Variants in PRELID2 observed in about 807,000 individuals in gnomAD.
PRELID2 encodes PRELI domain containing 2.
In PRELID2, 25 loss-of-function variants were observed where a neutral mutation model predicts 28.4. That is an observed-to-expected ratio of 0.88 (90% confidence interval 0.64 to 1.23). The LOEUF is 1.23. Ranked by LOEUF, PRELID2 falls within the 50% of genes most tolerant of loss-of-function variation. The pLI is 0.00. For synonymous variants in PRELID2, 76 were observed against 71.6 expected, an observed-to-expected ratio of 1.06 and a Z score of -0.31; for missense variants, 201 against 214.4, an observed-to-expected ratio of 0.94 and a Z score of 0.39.
At chr5:145,278,780 T>C in the PRELID2 span, among the ~76,000 whole-genome samples, 1 of 152,106 alleles carries the variant, frequency 6.6e-6, no homozygotes, top group Non-Finnish European at 1.5e-5. Context: ...ACCGTTGGGG[T>C]ATATTCTGGT....
chr5:145,343,232 G>T, the PRELID2 span, among the ~76,000 whole-genome samples: 1 of 151,758 alleles, frequency 6.6e-6, no homozygotes, highest in African/African-American at 2.4e-5. Flanking sequence ...TCTTTTTATT[G>T]GCACATCGAA....
the PRELID2 span, among the ~76,000 whole-genome samples, chr5:145,269,273 T>C: frequency 6.6e-6 from 1 of 152,112 alleles, no homozygotes. Flanking sequence ...ATTAGTATGT[T>C]CATGCAGTAT....
chr5:145,819,680 A>T (rs1754622099), intron 3 of PRELID2: 4 of 565,548 alleles, frequency 7.1e-6, no homozygotes, highest in Non-Finnish European at 9.2e-6. Context: ...ACTTCATGCA[A>T]AATGCCAAAA....
intron 1 of PRELID2, among the ~76,000 whole-genome samples, chr5:145,649,258 T>C (rs1202348083): frequency 6.6e-6 from 1 of 152,192 alleles, no homozygotes; most frequent in African/African-American, 2.4e-5. Flanking sequence ...ATAAGGGACT[T>C]GAGCATCCAC....
At chr5:145,564,618 T>A (rs1752950062) in intron 1 of PRELID2, among the ~76,000 whole-genome samples, 1 of 152,186 alleles carries the variant, frequency 6.6e-6, no homozygotes, top group Admixed American at 6.5e-5. Context: ...ATATTGCCAT[T>A]TTATCCATTA....
chr5:145,392,187 A>C, the PRELID2 span, among the ~76,000 whole-genome samples: 8 of 152,170 alleles, frequency 5.3e-5, no homozygotes, highest in Non-Finnish European at 1.2e-4. Flanking sequence ...CATACTTGAG[A>C]CTGGGTAATT....
the PRELID2 span, among the ~76,000 whole-genome samples, chr5:145,241,371 G>A: frequency 6.6e-6 from 1 of 151,994 alleles, no homozygotes; most frequent in Non-Finnish European, 1.5e-5. Flanking sequence ...GAGCCTGGAT[G>A]TATAAATGAC....
At chr5:145,487,691 T>C (rs1752230012) in intron 1 of PRELID2, among the ~76,000 whole-genome samples, 1 of 152,180 alleles carries the variant, frequency 6.6e-6, no homozygotes, top group Admixed American at 6.5e-5. Flanking sequence ...TTGAAGATTT[T>C]TCATTCCATT....
chr5:145,372,491 G>T, the PRELID2 span, among the ~76,000 whole-genome samples: 1 of 151,940 alleles, frequency 6.6e-6, no homozygotes, highest in Admixed American at 6.6e-5. Context: ...AAGTCTCTTC[G>T]TAGGTCTCTA....
intron 1 of PRELID2, among the ~76,000 whole-genome samples, chr5:145,566,839 CAAAA>C (rs537384269): frequency 8.6e-5 from 5 of 58,132 alleles, no homozygotes; most frequent in African/African-American, 1.7e-4. Context: ...GACTCCATCT[CAAAA>C]AAAAAAAAAA....
chr5:145,314,154 T>C, the PRELID2 span, among the ~76,000 whole-genome samples: 61,442 of 152,004 alleles, frequency 0.4, 12,884 homozygotes, highest in African/African-American at 0.52. Flanking sequence ...AACAGAGATG[T>C]CTAGATAGTT....
intron 5 of PRELID2, chr5:145,794,941 C>A (rs984975169): frequency 6.6e-6 from 1 of 151,946 alleles, no homozygotes; most frequent in African/African-American, 2.4e-5. Flanking sequence ...ATATGGCCTG[C>A]AAGAATGGTT....
At chr5:145,283,271 G>A in the PRELID2 span, among the ~76,000 whole-genome samples, 11 of 152,166 alleles carry the variant, frequency 7.2e-5, no homozygotes, top group East Asian at 3.9e-4. Flanking sequence ...ACAATTCTCC[G>A]GAAATACAAG....
chr5:145,564,879 G>T (rs62392708), intron 1 of PRELID2, among the ~76,000 whole-genome samples: 30,754 of 152,040 alleles, frequency 0.2, 5,642 homozygotes, highest in African/African-American at 0.48. Flanking sequence ...CCATTATGGC[G>T]TCCCTTGGCT....
the PRELID2 span, among the ~76,000 whole-genome samples, chr5:145,258,364 T>A: frequency 6.6e-6 from 1 of 152,262 alleles, no homozygotes; most frequent in East Asian, 1.9e-4. Context: ...ATTTGGAACA[T>A]CTTAGAGACT....
chr5:145,720,017 C>T (rs1258070615), intron 1 of PRELID2, among the ~76,000 whole-genome samples: 1 of 150,704 alleles, frequency 6.6e-6, no homozygotes, highest in Non-Finnish European at 1.5e-5. Context: ...TGCAAATGAA[C>T]ATGTGATAAG....
In PRELID2 at chr5:145,533,523, CT is replaced by C. The variant is rs1752672916; in HGVS notation, n.71-60209del. 2.0e-5 allele frequency among the ~76,000 whole-genome samples: 3 copies of C among 152,132 alleles called. No individual in the cohort carries two copies. The South Asian group carries it at 6.2e-4, about 32-fold the overall frequency. On this transcript the variant is annotated intron_variant and non_coding_transcript_variant, in intron 1 of 2. Transcript: ENST00000510259. ...TAGACACTTTACTGGGTATTACATGCTTTGCTCAATGTTTTGTGTGCATTAT... is the reference window on the plus strand; with the variant it reads ...TAGACACTTTACTGGGTATTACATGCTTGCTCAATGTTTTGTGTGCATTAT...
intron 1 of PRELID2, among the ~76,000 whole-genome samples, chr5:145,507,071 T>C (rs55633916): frequency 0.22 from 33,799 of 152,162 alleles, 4,127 homozygotes; most frequent in South Asian, 0.37. Flanking sequence ...TCACTTAGCA[T>C]ACAGTAAGGG....
intron 1 of PRELID2, among the ~76,000 whole-genome samples, chr5:145,494,649 T>C (rs1420124394): frequency 6.6e-6 from 1 of 152,042 alleles, no homozygotes; most frequent in Non-Finnish European, 1.5e-5. Context: ...AGAGAGAGAA[T>C]AGAACATTTT....
Sources: gnomAD v4.1 joint callset for allele counts (sites outside exome capture counted in the v4.1 genomes callset) on GRCh38, gnomAD v4.1.1 for gene constraint, MANE v1.5 for transcripts, NCBI Gene and HGNC (gene_info 2026-07-23, HGNC 2026-07-21) for gene names.